The following SSH2 variants were observed in gnomAD, a reference collection of about 807,000 sequenced individuals.
SSH2 encodes protein phosphatase Slingshot homolog 2.
A neutral mutation model predicts 135.2 loss-of-function variants in SSH2; 37 were observed. The ratio of observed to expected loss-of-function variants is 0.27; its 90% CI spans 0.21 to 0.36. The LOEUF is 0.36. SSH2 is among the 10% of genes least tolerant of loss of function. The probability of loss-of-function intolerance (pLI) is 1.00; values close to 1 mark genes in which losing one functional copy is unlikely to be tolerated. For missense variants in SSH2, 1,408 were observed against 1,765.3 expected (o/e 0.80, Z 3.63); for synonymous variants, 628 against 646.2 (o/e 0.97, Z 0.43).
intron 6 of SSH2, among the ~76,000 whole-genome samples, chr17:29,683,273 G>C (rs925259125): frequency 1.3e-5 from 2 of 152,102 alleles, no homozygotes; most frequent in Non-Finnish European, 2.9e-5. Context: ...AAAGTCTTCC[G>C]AAGGTTTCTC....
chr17:29,912,446 G>C (rs2151474915), intron 1 of SSH2, among the ~76,000 whole-genome samples: 1 of 152,306 alleles, frequency 6.6e-6, no homozygotes, highest in African/African-American at 2.4e-5. Context: ...GAGGATTTCA[G>C]ACAGGCAGAG....
At chr17:29,684,478 C>T (rs1409158018) in intron 6 of SSH2, 85 bp downstream of exon 6, 2 of 1,212,144 alleles carry the variant, frequency 1.6e-6, no homozygotes, top group African/African-American at 1.9e-5. Flanking sequence ...ACACTCCGTC[C>T]CCATTAAAAA....
intron 1 of SSH2, among the ~76,000 whole-genome samples, chr17:29,886,424 A>C (rs1027565810): frequency 2.6e-5 from 4 of 152,030 alleles, no homozygotes; most frequent in Non-Finnish European, 1.5e-5. Flanking sequence ...TCTAAGTGGC[A>C]AAGTGTTCAA....
chr17:29,724,524 G>C (rs1313467021), intron 3 of SSH2, among the ~76,000 whole-genome samples: 2 of 40,222 alleles, frequency 5.0e-5, no homozygotes, highest in Non-Finnish European at 9.3e-5. Context: ...GCAAAACTCT[G>C]TCTCAAAAAA....
intron 3 of SSH2, among the ~76,000 whole-genome samples, chr17:29,709,483 C>G (rs1225815227): frequency 6.6e-6 from 1 of 152,120 alleles, no homozygotes; most frequent in Non-Finnish European, 1.5e-5. Flanking sequence ...TCAAAACCAG[C>G]CTGGCCATCA....
intron 3 of SSH2, among the ~76,000 whole-genome samples, chr17:29,768,782 T>G (rs2041505340): frequency 6.6e-6 from 1 of 152,130 alleles, no homozygotes; most frequent in South Asian, 2.1e-4. Context: ...TGTCCTAGAA[T>G]GTAGTAAGAC....
chr17:29,791,329 G>A (rs926078499), intron 3 of SSH2, among the ~76,000 whole-genome samples: 5 of 151,780 alleles, frequency 3.3e-5, no homozygotes, highest in South Asian at 2.1e-4. Flanking sequence ...CATGTGATCC[G>A]TCTGCCTCAG....
intron 3 of SSH2, among the ~76,000 whole-genome samples, chr17:29,755,800 T>C (rs941448127): frequency 6.6e-6 from 1 of 151,046 alleles, no homozygotes; most frequent in African/African-American, 2.4e-5. Context: ...TGGCTGGGAC[T>C]ACAGGCACCC....
At chr17:29,692,508 A>C (rs1043978308) in intron 5 of SSH2, among the ~76,000 whole-genome samples, 1 of 152,252 alleles carries the variant, frequency 6.6e-6, no homozygotes, top group Non-Finnish European at 1.5e-5. Context: ...CTGAAGATGC[A>C]TATTTTAGTA....
chr17:29,812,688 A>C (rs1280694269), intron 2 of SSH2, among the ~76,000 whole-genome samples: 1 of 152,138 alleles, frequency 6.6e-6, no homozygotes, highest in Non-Finnish European at 1.5e-5. Flanking sequence ...CAGGAGATCG[A>C]GACCATCCTG....
At position 29,645,438 on chromosome 17, in the gene SSH2, C is replaced by T. The variant is rs2036333040; in HGVS notation, c.1427+2706G>A. The T allele has an allele frequency of 3.3e-5, 5 of 152,030 alleles. No homozygotes were observed. In the South Asian group the frequency reaches 1.0e-3, roughly 32 times the overall value. 9.4% of individuals were successfully genotyped at this position (152,030 alleles called of 1,614,324 possible). A position where few individuals can be genotyped will look rare whatever the true frequency, so the allele number is the denominator to read the frequency against. On this transcript the variant is annotated intron_variant, in intron 14 of 15. Coordinates refer to ENST00000540801, the MANE Select transcript of SSH2 (RefSeq NM_001282129.2). ...TTGGGTTTATACTGCCCTTCTTATC[C>T]TCATCTAAGATTTTTCTGAAACTCC...
chr17:29,803,063 G>T (rs990648338), intron 2 of SSH2, among the ~76,000 whole-genome samples: 2 of 152,124 alleles, frequency 1.3e-5, no homozygotes, highest in Non-Finnish European at 2.9e-5. Flanking sequence ...AAACACACAG[G>T]CTTGAGGAGG....
At chr17:29,707,858 G>GC (rs551261507) in intron 3 of SSH2, among the ~76,000 whole-genome samples, 170 of 151,972 alleles carry the variant, frequency 1.1e-3, no homozygotes, top group Non-Finnish European at 1.4e-3. Flanking sequence ...TATAATAGGC[G>GC]CGATACAGGC....
At chr17:29,785,528 TA>T (rs1368115176) in intron 3 of SSH2, among the ~76,000 whole-genome samples, 1 of 140,998 alleles carries the variant, frequency 7.1e-6, no homozygotes, top group African/African-American at 2.7e-5. Flanking sequence ...GACAGAGTCT[TA>T]CTCTGTTGCC....
intron 14 of SSH2, among the ~76,000 whole-genome samples, chr17:29,637,919 G>T (rs1289722330): frequency 1.3e-5 from 2 of 152,110 alleles, no homozygotes; most frequent in Admixed American, 6.5e-5. Context: ...TTCGAGACCA[G>T]CCTGGCCAAC....
At position 29,859,694 on chromosome 17, in the gene SSH2, C is replaced by T. The variant is rs559565150; in HGVS notation, c.64-10765G>A. Reference sequence around the variant, plus strand: ...ACATTTTCTTTATCCAGTCTATCATCGATGGGCATTTAGGCTGATTCCATG... The same window carrying T: ...ACATTTTCTTTATCCAGTCTATCATTGATGGGCATTTAGGCTGATTCCATG... On this transcript the variant is annotated intron_variant, in intron 1 of 15. Coordinates refer to ENST00000540801, the MANE Select transcript of SSH2 (RefSeq NM_001282129.2). 5.3e-5 allele frequency among the ~76,000 whole-genome samples: 8 copies of T among 152,180 alleles called. No individual in the cohort carries two copies. The East Asian group carries it at 1.3e-3, about 26-fold the overall frequency.
rs533335899 is a variant in SSH2, at chr17:29,916,249, G to C, written c.63+13689C>G. Among the ~76,000 whole-genome samples, 3 of 152,024 alleles carry C rather than the reference G, an allele frequency of 2.0e-5. No homozygotes were observed. In the East Asian group the frequency reaches 5.8e-4, roughly 29 times the overall value. On this transcript the variant is annotated intron_variant, in intron 1 of 15. Coordinates refer to ENST00000540801, the MANE Select transcript of SSH2 (RefSeq NM_001282129.2). ...TGAATACATGTTTATTTGGTGCCAG[G>C]CATGGTGCTAATGCACTCCCTGGCT...
intron 14 of SSH2, chr17:29,645,150 A>G (rs191516452): frequency 9.2e-5 from 14 of 152,284 alleles, no homozygotes; most frequent in African/African-American, 3.4e-4. Context: ...TACGTAATAA[A>G]CATTCAAACA....
chr17:29,865,560 C>T (rs1034389541), intron 1 of SSH2, among the ~76,000 whole-genome samples: 2 of 152,152 alleles, frequency 1.3e-5, no homozygotes, highest in African/African-American at 4.8e-5. Flanking sequence ...GAATAAATCA[C>T]AAATACTCTA....
Sources: allele counts gnomAD v4.1 joint callset (sites outside exome capture counted in the v4.1 genomes callset), GRCh38; gene constraint gnomAD v4.1.1; transcripts MANE v1.5; gene names NCBI Gene and HGNC (gene_info 2026-07-23, HGNC 2026-07-21).